TMEM132C: variants seen among roughly 807,000 people sequenced by gnomAD.
TMEM132C encodes protein phosphatase 1, regulatory subunit 152.
A neutral mutation model predicts 61.4 loss-of-function variants in TMEM132C; 29 were observed. That is an observed-to-expected ratio of 0.47 (90% CI 0.35 to 0.64). The LOEUF (loss-of-function observed/expected upper bound fraction) is 0.64, where lower values mean the gene tolerates loss of function less well. Ranked by LOEUF, TMEM132C falls within the 30% of genes least tolerant of loss-of-function variation. The probability of loss-of-function intolerance (pLI) is 0.00; values close to 1 mark genes in which losing one functional copy is unlikely to be tolerated. For missense variants in TMEM132C, 1,408 were observed against 1,476.9 expected (o/e 0.95, Z 0.76); for synonymous variants, 656 against 633.1 (o/e 1.04, Z -0.54).
chr12:128,566,056 G>A (rs1420017779), intron 3 of TMEM132C, among the ~76,000 whole-genome samples: 1 of 151,852 alleles, frequency 6.6e-6, no homozygotes, highest in South Asian at 2.1e-4. Context: ...TGCCCAGATA[G>A]TTTTTGTATT....
chr12:128,327,431 G>A lies in TMEM132C; in HGVS notation c.85+59944G>A, dbSNP rs1872556578. Among the ~76,000 whole-genome samples, 2 of 149,594 alleles carry A rather than the reference G, an allele frequency of 1.3e-5. 1 individual carries two copies. The highest frequency in any genetic ancestry group is 5.1e-5 in the African/African-American group (2 of 38,946). Reference sequence around the variant, plus strand: ...GGAGTCTCACACTTTCACCCAGGCTGGAGTGTAGTGGCGCGATCCCGGCTC... The same window carrying A: ...GGAGTCTCACACTTTCACCCAGGCTAGAGTGTAGTGGCGCGATCCCGGCTC... On this transcript the variant is annotated intron_variant, in intron 1 of 8. Coordinates refer to ENST00000435159, the MANE Select transcript of TMEM132C (RefSeq NM_001136103.3).
chr12:128,662,481 C>T (rs866818155), intron 4 of TMEM132C, among the ~76,000 whole-genome samples: 1 of 152,196 alleles, frequency 6.6e-6, no homozygotes, highest in Non-Finnish European at 1.5e-5. Flanking sequence ...GGATTTAAGG[C>T]AATTCTCTCT....
intron 2 of TMEM132C, among the ~76,000 whole-genome samples, chr12:128,416,659 TAA>T (rs1868790112): frequency 6.6e-6 from 1 of 152,216 alleles, no homozygotes; most frequent in African/African-American, 2.4e-5. Context: ...TGCTTATTTT[TAA>T]AGTTTTTTGT....
chr12:128,328,390 T>A (rs925692970), intron 1 of TMEM132C, among the ~76,000 whole-genome samples: 3 of 152,204 alleles, frequency 2.0e-5, no homozygotes, highest in Admixed American at 6.5e-5. Context: ...GAACTAACAC[T>A]GACCCCCCGG....
chr12:128,683,083 G>A (rs573436237), intron 5 of TMEM132C, among the ~76,000 whole-genome samples: 62 of 152,304 alleles, frequency 4.1e-4, no homozygotes, highest in Non-Finnish European at 6.9e-4. Flanking sequence ...GGCAGGAGCT[G>A]CGGGAGAGAA....
chr12:128,337,743 T>C (rs1401753490), intron 1 of TMEM132C, among the ~76,000 whole-genome samples: 3 of 152,178 alleles, frequency 2.0e-5, no homozygotes, highest in Non-Finnish European at 2.9e-5. Context: ...TTTCTTTTCT[T>C]TGGGAGAGTT....
chr12:128,511,678 G>T (rs1389840235), intron 2 of TMEM132C, among the ~76,000 whole-genome samples: 3 of 152,284 alleles, frequency 2.0e-5, no homozygotes, highest in African/African-American at 7.2e-5. Context: ...GTCTCTCCTG[G>T]GGCCCCACCA....
At chr12:128,444,506 T>G (rs1242231991) in intron 2 of TMEM132C, among the ~76,000 whole-genome samples, 1 of 152,164 alleles carries the variant, frequency 6.6e-6, no homozygotes, top group Non-Finnish European at 1.5e-5. Flanking sequence ...AGACTGGTAG[T>G]GAATTAAGCG....
At chr12:128,302,755 C>T (rs1871638119) in intron 1 of TMEM132C, among the ~76,000 whole-genome samples, 1 of 152,178 alleles carries the variant, frequency 6.6e-6, no homozygotes. Context: ...AACTTCAAAG[C>T]CTTCATCTTA....
At chr12:128,356,268 G>A (rs543674956) in intron 1 of TMEM132C, among the ~76,000 whole-genome samples, 27 of 152,290 alleles carry the variant, frequency 1.8e-4, no homozygotes, top group Admixed American at 3.9e-4. Flanking sequence ...GCCAGGGATC[G>A]GAGCCCCACT....
At chr12:128,670,980 A>G (rs1055222438) in intron 5 of TMEM132C, among the ~76,000 whole-genome samples, 27 of 152,308 alleles carry the variant, frequency 1.8e-4, no homozygotes, top group African/African-American at 6.3e-4. Flanking sequence ...ATGGGCAAAA[A>G]AATAAAAAAC....
At chr12:128,529,693 G>A (rs1873216516) in intron 2 of TMEM132C, among the ~76,000 whole-genome samples, 1 of 152,182 alleles carries the variant, frequency 6.6e-6, no homozygotes, top group Non-Finnish European at 1.5e-5. Context: ...GGCTGAGGCA[G>A]GAGAATTGCT....
At chr12:128,286,130 T>TCA (rs1871063907) in intron 1 of TMEM132C, among the ~76,000 whole-genome samples, 1 of 151,778 alleles carries the variant, frequency 6.6e-6, no homozygotes, top group African/African-American at 2.4e-5. Context: ...TCTGCCTCCT[T>TCA]CACACACACG....
In TMEM132C at chr12:128,452,084, G is replaced by A. The variant is rs151004089; in HGVS notation, c.974+36464G>A. ...TTTATTTTTTAAAAAATAAAAAAAT[G>A]CAATTATGATTATGATTATTTTTGA... On this transcript the variant is annotated intron_variant, in intron 2 of 8. Transcript: ENST00000435159. 3.0e-4 allele frequency among the ~76,000 whole-genome samples: 45 copies of A among 152,012 alleles called. No individual in the cohort carries two copies. In the East Asian group the frequency reaches 7.8e-3, roughly 26 times the overall value.
At chr12:128,392,064 T>TTCTCTCTC (rs34334973) in intron 1 of TMEM132C, among the ~76,000 whole-genome samples, 1,666 of 130,500 alleles carry the variant, frequency 0.013, 26 homozygotes, top group Admixed American at 0.049. Context: ...CTCTCTCTCT[T>TTCTCTCTC]TCTCTCTCTC....
intron 2 of TMEM132C, among the ~76,000 whole-genome samples, chr12:128,519,452 T>C (rs1472050599): frequency 6.6e-6 from 1 of 152,240 alleles, no homozygotes; most frequent in African/African-American, 2.4e-5. Flanking sequence ...TATTTGTCCC[T>C]TCAAAGTCTT....
intron 4 of TMEM132C, among the ~76,000 whole-genome samples, chr12:128,617,095 C>T (rs1876827691): frequency 6.6e-6 from 1 of 152,278 alleles, no homozygotes; most frequent in South Asian, 2.1e-4. Flanking sequence ...GCATGCAGAT[C>T]ACAGGAACAT....
intron 1 of TMEM132C, among the ~76,000 whole-genome samples, chr12:128,389,119 C>T (rs981219195): frequency 3.3e-5 from 5 of 152,132 alleles, no homozygotes; most frequent in African/African-American, 1.2e-4. Flanking sequence ...GAGCTCCAAG[C>T]GGTGCTAACT....
chr12:128,571,375 G>C (rs1352395349), intron 3 of TMEM132C, among the ~76,000 whole-genome samples: 1 of 152,156 alleles, frequency 6.6e-6, no homozygotes, highest in Non-Finnish European at 1.5e-5. Context: ...GTTTTTTAAT[G>C]AATATTTTTA....
Sources: allele counts gnomAD v4.1 joint callset (sites outside exome capture counted in the v4.1 genomes callset), GRCh38; gene constraint gnomAD v4.1.1; transcripts MANE v1.5; gene names NCBI Gene and HGNC (gene_info 2026-07-23, HGNC 2026-07-21).